The following MIPOL1 variants were observed in gnomAD, a reference collection of about 807,000 sequenced individuals.
The protein encoded by MIPOL1 is mirror-image polydactyly 1.
In MIPOL1, 57 loss-of-function variants were observed where a neutral mutation model predicts 60.9. The ratio of observed to expected loss-of-function variants is 0.94; its 90% CI spans 0.76 to 1.17. MIPOL1 has a LOEUF of 1.17. Among genes scored for constraint, MIPOL1 ranks in the 50% most tolerant of loss-of-function variants. The pLI is 0.00. For synonymous variants in MIPOL1, 179 were observed against 168.8 expected (o/e 1.06, Z -0.47); for missense variants, 551 against 511.6 (o/e 1.08, Z -0.74).
intron 11 of MIPOL1, among the ~76,000 whole-genome samples, chr14:37,451,490 T>G (rs2094415699): frequency 6.6e-6 from 1 of 152,212 alleles, no homozygotes; most frequent in Non-Finnish European, 1.5e-5. Flanking sequence ...ATTCTTATTA[T>G]GGACAACACA....
intron 9 of MIPOL1, among the ~76,000 whole-genome samples, chr14:37,356,896 C>T (rs1038353003): frequency 2.6e-5 from 4 of 152,256 alleles, no homozygotes; most frequent in Admixed American, 6.5e-5. Context: ...AGCTGTAGAC[C>T]GGAGCTGTTT....
intron 11 of MIPOL1, among the ~76,000 whole-genome samples, chr14:37,489,341 C>T (rs1262487881): frequency 6.6e-6 from 1 of 152,150 alleles, no homozygotes; most frequent in African/African-American, 2.4e-5. Flanking sequence ...TTCTAGTTAG[C>T]ATTTCCTCTA....
chr14:37,319,896 A>C (rs1294530031), intron 9 of MIPOL1, among the ~76,000 whole-genome samples: 1 of 152,112 alleles, frequency 6.6e-6, no homozygotes, highest in Non-Finnish European at 1.5e-5. Flanking sequence ...AAAAGGAGTC[A>C]TATGTTATAT....
At chr14:37,397,161 C>G (rs547490052) in intron 10 of MIPOL1, 1 of 152,148 alleles carries the variant, frequency 6.6e-6, no homozygotes, top group Non-Finnish European at 1.5e-5. Flanking sequence ...TTTTGTCCCA[C>G]GGGGTGTCCC....
rs142420375 is a variant in MIPOL1 at position 37,336,914 on chromosome 14, C to T, written c.828+28395C>T. 1.1e-3 allele frequency among the ~76,000 whole-genome samples: 167 copies of T among 152,056 alleles called. 1 individual carries two copies. The East Asian group carries it at 0.028, about 26-fold the overall frequency. On this transcript the variant is annotated intron_variant, in intron 9 of 12. Transcript: ENST00000684589. ...TAGCTGGGACTACAGTCACGCACCA[C>T]CACACCCACCCAATTTTTTGTATTT...
chr14:37,252,563 A>G (rs2153365541), intron 3 of MIPOL1, among the ~76,000 whole-genome samples: 1 of 152,038 alleles, frequency 6.6e-6, no homozygotes, highest in African/African-American at 2.4e-5. Context: ...GTAACTTGCA[A>G]GTGGTTTGGT....
intron 3 of MIPOL1, among the ~76,000 whole-genome samples, chr14:37,265,650 C>T (rs2153383512): frequency 6.6e-6 from 1 of 151,872 alleles, no homozygotes; most frequent in East Asian, 1.9e-4. Context: ...AATAGTTGGT[C>T]AAAAAAACAA....
intron 11 of MIPOL1, among the ~76,000 whole-genome samples, chr14:37,473,361 CT>C (rs906951379): frequency 2.4e-4 from 36 of 149,124 alleles, no homozygotes; most frequent in South Asian, 1.1e-3. Flanking sequence ...CCAAATAAAC[CT>C]TTTTTTTTTC....
intron 12 of MIPOL1, among the ~76,000 whole-genome samples, chr14:37,510,396 TTTTTG>T (rs566362369): frequency 8.4e-4 from 128 of 152,114 alleles, no homozygotes; most frequent in African/African-American, 3.0e-3. Context: ...TTTGGTGTTT[TTTTTG>T]TTTTGTTTTG....
At position 37,550,342 on chromosome 14, in the gene MIPOL1, C is replaced by T. The variant is rs1165386659; in HGVS notation, c.*3371C>T. ...TTTTTAAACTTTCTATTTTCAAATACTTGTGATTAATAAGGCATTCTATGA... is the reference window on the plus strand; with the variant it reads ...TTTTTAAACTTTCTATTTTCAAATATTTGTGATTAATAAGGCATTCTATGA... On this transcript the variant is annotated 3_prime_UTR_variant, in exon 13 of 13. Coordinates refer to ENST00000684589, the MANE Select transcript of MIPOL1 (RefSeq NM_001388067.1). 3 of 151,224 alleles carry T rather than the reference C, an allele frequency of 2.0e-5. No homozygotes were observed. The highest frequency in any genetic ancestry group is 4.4e-5 in the Non-Finnish European group (3 of 67,682). The allele number at this position is 151,224 out of a possible 1,614,324, so 9.4% of individuals were successfully genotyped here.
At chr14:37,239,411 A>T (rs58215640) in intron 1 of MIPOL1, among the ~76,000 whole-genome samples, 11,087 of 152,076 alleles carry the variant, frequency 0.073, 1,343 homozygotes, top group African/African-American at 0.25. Flanking sequence ...TTTATAGATA[A>T]TATTTTTAGC....
chr14:37,414,226 T>C (rs773058240), intron 10 of MIPOL1, among the ~76,000 whole-genome samples: 3 of 152,210 alleles, frequency 2.0e-5, no homozygotes, highest in Non-Finnish European at 2.9e-5. Flanking sequence ...TGACATATTT[T>C]CATAATAGGC....
intron 11 of MIPOL1, among the ~76,000 whole-genome samples, chr14:37,459,567 CACAG>C (rs1483910797): frequency 3.9e-5 from 6 of 152,104 alleles, no homozygotes; most frequent in African/African-American, 1.4e-4. Flanking sequence ...CAGAAGGATT[CACAG>C]ACAAATTTTA....
intron 1 of MIPOL1, among the ~76,000 whole-genome samples, chr14:37,224,457 G>T (rs945686707): frequency 6.6e-6 from 1 of 152,220 alleles, no homozygotes; most frequent in Non-Finnish European, 1.5e-5. Flanking sequence ...CACAATCGTG[G>T]TGGAAGGTGA....
chr14:37,507,217 A>G (rs777679145), intron 12 of MIPOL1: 3 of 152,226 alleles, frequency 2.0e-5, no homozygotes, highest in Non-Finnish European at 4.4e-5. Flanking sequence ...AGGATCTAGA[A>G]CTAGAAATAC....
intron 11 of MIPOL1, among the ~76,000 whole-genome samples, chr14:37,491,982 A>G (rs2095054059): frequency 6.6e-6 from 1 of 152,204 alleles, no homozygotes; most frequent in Non-Finnish European, 1.5e-5. Flanking sequence ...TTCCTTAAAA[A>G]TAAGTGAGCA....
chr14:37,303,411 CA>C (rs1187607628), intron 7 of MIPOL1, among the ~76,000 whole-genome samples: 4 of 151,842 alleles, frequency 2.6e-5, no homozygotes, highest in Non-Finnish European at 5.9e-5. Flanking sequence ...ATATCCAAGC[CA>C]AAACTTCTTC....
chr14:37,384,257 AACTTT>A (rs1449429537), intron 10 of MIPOL1, among the ~76,000 whole-genome samples: 1 of 151,892 alleles, frequency 6.6e-6, no homozygotes, highest in African/African-American at 2.4e-5. Flanking sequence ...AAGATGGCAA[AACTTT>A]ACTTTTCTCT....
intron 2 of MIPOL1, 54 bp from the exon 3 acceptor site, chr14:37,247,775 T>G: frequency 2.1e-6 from 2 of 936,266 alleles, no homozygotes; most frequent in Non-Finnish European, 3.3e-6. Context: ...AAGATTTAGG[T>G]GTGTTCTGAT....
Sources: allele counts gnomAD v4.1 joint callset (sites outside exome capture counted in the v4.1 genomes callset), GRCh38; gene constraint gnomAD v4.1.1; transcripts MANE v1.5; gene names NCBI Gene and HGNC (gene_info 2026-07-23, HGNC 2026-07-21).